Variants in CACNB2 observed in about 807,000 individuals in gnomAD.
The protein encoded by CACNB2 is calcium voltage-gated channel auxiliary subunit beta 2.
In CACNB2, 42 loss-of-function variants were observed where a neutral mutation model predicts 73.3. The observed-to-expected ratio is 0.57, with a 90% CI of 0.45 to 0.74. The LOEUF (loss-of-function observed/expected upper bound fraction) is 0.74. Among genes scored for constraint, CACNB2 ranks in the 30% least tolerant of loss-of-function variants. The probability of loss-of-function intolerance (pLI) is 0.00; values close to 1 mark genes in which losing one functional copy is unlikely to be tolerated. For synonymous variants in CACNB2, 348 were observed against 310.3 expected (o/e 1.12, Z -1.28); for missense variants, 940 against 853.0 (o/e 1.10, Z -1.27).
At chr10:18,429,244 G>T (rs1306842759) in intron 3 of CACNB2, among the ~76,000 whole-genome samples, 1 of 152,162 alleles carries the variant, frequency 6.6e-6, no homozygotes, top group Non-Finnish European at 1.5e-5. Flanking sequence ...TGACTGTTGA[G>T]GAGTCAACTC....
intron 11 of CACNB2, among the ~76,000 whole-genome samples, chr10:18,535,527 C>G (rs886382314): frequency 1.3e-5 from 2 of 152,078 alleles, no homozygotes; most frequent in Non-Finnish European, 1.5e-5. Context: ...AATCCCAGCA[C>G]TCTACTAGGC....
chr10:18,142,283 T>C (rs999620876), intron 1 of CACNB2, among the ~76,000 whole-genome samples: 2 of 152,228 alleles, frequency 1.3e-5, no homozygotes, highest in African/African-American at 2.4e-5. Context: ...TCTATTTCTT[T>C]TGTAGTGGTA....
At position 18,541,525 on chromosome 10, in the gene CACNB2, T is replaced by C. The variant is rs1270704669; in HGVS notation, c.*1801T>C. On this transcript the variant is annotated 3_prime_UTR_variant, in exon 14 of 14. Coordinates refer to ENST00000324631, the MANE Select transcript of CACNB2 (RefSeq NM_201596.3). ...GAAGTTTGTCCCAGGAAAATGCCTG[T>C]GTATAATTACCTAACTTCAGATCTG... 6.6e-6 allele frequency: 1 copy of C among 152,140 alleles called. No individual in the cohort carries two copies. The highest frequency in any genetic ancestry group is 1.5e-5 in the Non-Finnish European group (1 of 68,030). The allele number at this position is 152,140 out of a possible 1,614,324, so 9.4% of individuals were successfully genotyped here. A position where few individuals can be genotyped will look rare whatever the true frequency, so the allele number is the denominator to read the frequency against.
chr10:18,163,619 G>A (rs1455776968), intron 2 of CACNB2, among the ~76,000 whole-genome samples: 1 of 152,192 alleles, frequency 6.6e-6, no homozygotes, highest in Admixed American at 6.5e-5. Context: ...GTTTCGTATT[G>A]AGCATATATC....
intron 2 of CACNB2, among the ~76,000 whole-genome samples, chr10:18,361,209 A>C (rs1564468330): frequency 6.6e-6 from 1 of 152,078 alleles, no homozygotes; most frequent in East Asian, 1.9e-4. Flanking sequence ...GCCATCCTAA[A>C]GTAGACTTTT....
intron 3 of CACNB2, among the ~76,000 whole-genome samples, chr10:18,437,581 A>G (rs976782710): frequency 1.3e-5 from 2 of 152,176 alleles, no homozygotes; most frequent in African/African-American, 4.8e-5. Flanking sequence ...CACGCATTTC[A>G]CTGGCCAAAA....
chr10:18,520,356 C>T (rs2051736058), intron 9 of CACNB2, among the ~76,000 whole-genome samples: 1 of 152,152 alleles, frequency 6.6e-6, no homozygotes, highest in Admixed American at 6.5e-5. Context: ...ATGCTGTTGT[C>T]TTTATCTTCA....
At chr10:18,259,459 C>T (rs1031882906) in intron 2 of CACNB2, among the ~76,000 whole-genome samples, 3 of 150,038 alleles carry the variant, frequency 2.0e-5, no homozygotes, top group Non-Finnish European at 1.5e-5. Context: ...AATCTCAACA[C>T]TTTGGGAGGC....
chr10:18,274,666 G>A (rs76180193), intron 2 of CACNB2, among the ~76,000 whole-genome samples: 1,998 of 152,042 alleles, frequency 0.013, 13 homozygotes, highest in African/African-American at 0.026. Flanking sequence ...GCTTTAAAAT[G>A]TATTATTTTA....
intron 3 of CACNB2, among the ~76,000 whole-genome samples, chr10:18,468,300 A>G (rs1028403918): frequency 1.3e-5 from 2 of 152,106 alleles, no homozygotes; most frequent in Non-Finnish European, 2.9e-5. Context: ...TCCACAAAAA[A>G]CACTAAAAAA....
intron 2 of CACNB2, among the ~76,000 whole-genome samples, chr10:18,312,584 G>T (rs543857558): frequency 6.6e-6 from 1 of 152,318 alleles, no homozygotes; most frequent in South Asian, 2.1e-4. Flanking sequence ...TTAAGTGTGT[G>T]TGTTTGAAGG....
chr10:18,177,798 T>G (rs2033684257), intron 2 of CACNB2, among the ~76,000 whole-genome samples: 1 of 152,156 alleles, frequency 6.6e-6, no homozygotes, highest in African/African-American at 2.4e-5. Flanking sequence ...ACATGTTACA[T>G]AAGATAAAGT....
chr10:18,505,457 G>C (rs1271997362), intron 5 of CACNB2, among the ~76,000 whole-genome samples: 1 of 152,140 alleles, frequency 6.6e-6, no homozygotes, highest in Non-Finnish European at 1.5e-5. Context: ...TGATGTTTAT[G>C]CATTAAAATG....
At chr10:18,376,995 A>C (rs774691767) in intron 2 of CACNB2, among the ~76,000 whole-genome samples, 1 of 152,204 alleles carries the variant, frequency 6.6e-6, no homozygotes, top group East Asian at 1.9e-4. Flanking sequence ...TAAAATAACT[A>C]AAAGAGCATA....
chr10:18,422,062 G>A (rs11014170), intron 3 of CACNB2, among the ~76,000 whole-genome samples: 1,769 of 152,304 alleles, frequency 0.012, 13 homozygotes, highest in Non-Finnish European at 0.019. Flanking sequence ...TTGATGTTCC[G>A]TTTTAAGATT....
chr10:18,266,302 T>C lies in CACNB2; in HGVS notation c.213+115327T>C, dbSNP rs6482248. Reference sequence around the variant, plus strand: ...GAGTCTGAGGATGGTCAAACTGAGATTCAAGCTGAAATTGACTCTTATTCC... The same window carrying C: ...GAGTCTGAGGATGGTCAAACTGAGACTCAAGCTGAAATTGACTCTTATTCC... On this transcript the variant is annotated intron_variant, in intron 2 of 13. Transcript: ENST00000324631. Among the ~76,000 whole-genome samples, 520 of 152,268 alleles carry C rather than the reference T, an allele frequency of 3.4e-3. 5 individuals carry two copies. The highest frequency in any genetic ancestry group is 0.011 in the African/African-American group (470 of 41,540).
rs80228059 is a variant in CACNB2 at position 18,487,028 on chromosome 10, T to C, written c.334-11327T>C. ...GGTTTCATGGTGAAACGCATGGGGT[T>C]TCATAGTTGAGCTTGAGAAGGCGCT... On this transcript the variant is annotated intron_variant, in intron 3 of 13. Transcript: ENST00000324631. Among the ~76,000 whole-genome samples the C allele has an allele frequency of 3.6e-3, 554 of 152,262 alleles. 12 individuals carry two copies. The East Asian group carries it at 0.055, about 15-fold the overall frequency.
chr10:18,486,623 AGTT>A (rs1316194142), intron 3 of CACNB2, among the ~76,000 whole-genome samples: 1 of 152,170 alleles, frequency 6.6e-6, no homozygotes, highest in African/African-American at 2.4e-5. Flanking sequence ...CTGCCAGATT[AGTT>A]CTTGCGTATA....
chr10:18,191,825 T>A (rs1188324726), intron 2 of CACNB2, among the ~76,000 whole-genome samples: 1 of 152,230 alleles, frequency 6.6e-6, no homozygotes, highest in Non-Finnish European at 1.5e-5. Context: ...ACAGTTTTTT[T>A]ATGCACTCAT....
Sources: allele counts gnomAD v4.1 joint callset (sites outside exome capture counted in the v4.1 genomes callset), GRCh38; gene constraint gnomAD v4.1.1; transcripts MANE v1.5; gene names NCBI Gene and HGNC (gene_info 2026-07-23, HGNC 2026-07-21).